The following F13A1 variants were observed in gnomAD, a reference collection of about 807,000 sequenced individuals.
F13A1 encodes the protein coagulation factor XIII A chain, also known as FSF, A subunit.
In F13A1, 47 loss-of-function variants were observed where a neutral mutation model predicts 80.1. That is an observed-to-expected ratio of 0.59 (90% confidence interval 0.46 to 0.75). The LOEUF is 0.75. F13A1 is among the 30% of genes least tolerant of loss of function. The probability of loss-of-function intolerance (pLI) is 0.00; values close to 1 mark genes in which losing one functional copy is unlikely to be tolerated. For missense variants in F13A1, 817 were observed against 930.4 expected, an observed-to-expected ratio of 0.88 and a Z score of 1.59; for synonymous variants, 349 against 344.9, an observed-to-expected ratio of 1.01 and a Z score of -0.13.
chr6:6,156,446 A>C (rs1760480190), intron 13 of F13A1, among the ~76,000 whole-genome samples: 2 of 152,238 alleles, frequency 1.3e-5, no homozygotes, highest in South Asian at 4.1e-4. Flanking sequence ...AAGTTTGAGA[A>C]AGAGTAACAA....
intron 13 of F13A1, among the ~76,000 whole-genome samples, chr6:6,153,753 G>T (rs1214449903): frequency 6.6e-6 from 1 of 152,046 alleles, no homozygotes; most frequent in Admixed American, 6.5e-5. Flanking sequence ...TTTATTTGAG[G>T]CACCCCTGTT....
rs1232381433 is a variant in F13A1 at position 6,243,527 on chromosome 6, T to C, written c.798+4785A>G. Among the ~76,000 whole-genome samples, 2 of 152,224 alleles carry C rather than the reference T, an allele frequency of 1.3e-5. No individual in the cohort carries two copies. Among genetic ancestry groups the C allele is most frequent in the Non-Finnish European group, 2.9e-5 (2 of 68,036 alleles). ...AATAATTTGCCTCATCTGGGCTCCA[T>C]TCCCTTGGGGCTCTCTTCTTTTCTA... On this transcript the variant is annotated intron_variant, in intron 6 of 14. Transcript: ENST00000264870. The surrounding 1 kb of genome is among the most constrained non-coding windows in gnomAD (Gnocchi z 4.2).
At chr6:6,150,527 A>C (rs917536852) in intron 14 of F13A1, among the ~76,000 whole-genome samples, 10 of 152,220 alleles carry the variant, frequency 6.6e-5, no homozygotes, top group Non-Finnish European at 1.5e-4. Context: ...TTTGAAAGAA[A>C]TGCGGAGAGC....
intron 6 of F13A1, among the ~76,000 whole-genome samples, chr6:6,231,231 A>G (rs1333154132): frequency 1.3e-5 from 2 of 152,214 alleles, no homozygotes; most frequent in Admixed American, 1.3e-4. Flanking sequence ...TAAAGAAAAA[A>G]CAAGCAAAAA....
intron 3 of F13A1, among the ~76,000 whole-genome samples, chr6:6,299,962 C>G (rs1223874864): frequency 6.8e-6 from 1 of 147,302 alleles, no homozygotes; most frequent in Non-Finnish European, 1.5e-5. Context: ...AGTTTTCCTT[C>G]TAACAGACAG....
intron 2 of F13A1, among the ~76,000 whole-genome samples, chr6:6,314,574 A>T (rs1758653922): frequency 6.6e-6 from 1 of 152,070 alleles, no homozygotes; most frequent in Admixed American, 6.6e-5. Context: ...AGCCCTCCTC[A>T]TCCTCTTCCC....
chr6:6,314,111 A>G (rs1354271423), intron 2 of F13A1, among the ~76,000 whole-genome samples: 1 of 151,106 alleles, frequency 6.6e-6, no homozygotes, highest in Non-Finnish European at 1.5e-5. Flanking sequence ...CCTCCCGAGT[A>G]GCTGGGATTA....
chr6:6,239,660 C>A (rs578129926), intron 6 of F13A1, among the ~76,000 whole-genome samples: 1 of 152,094 alleles, frequency 6.6e-6, no homozygotes, highest in East Asian at 1.9e-4. Flanking sequence ...GCTCATTTGG[C>A]CAAAACATAT....
At chr6:6,285,219 G>A (rs779074671) in intron 3 of F13A1, among the ~76,000 whole-genome samples, 12 of 152,146 alleles carry the variant, frequency 7.9e-5, no homozygotes, top group African/African-American at 2.2e-4. Context: ...ACTGCACTCC[G>A]GCATGGGCAC....
At chr6:6,209,543 T>A (rs1761563567) in intron 8 of F13A1, among the ~76,000 whole-genome samples, 1 of 152,120 alleles carries the variant, frequency 6.6e-6, no homozygotes, top group Admixed American at 6.6e-5. Flanking sequence ...ATAAAAACTT[T>A]TACCTGAATG....
At chr6:6,209,333 A>AC (rs926149156) in intron 8 of F13A1, among the ~76,000 whole-genome samples, 4 of 151,782 alleles carry the variant, frequency 2.6e-5, no homozygotes, top group African/African-American at 9.7e-5. Context: ...TAAAAAAAAA[A>AC]AAAAAACAGA....
Position 6,250,079 on chromosome 6 carries a change from C to T in F13A1, c.690+732G>A, listed in dbSNP as rs529983319. Among the ~76,000 whole-genome samples, 4 of 152,214 alleles carry T rather than the reference C, an allele frequency of 2.6e-5. No individual in the cohort carries two copies. Among genetic ancestry groups the T allele is most frequent in the African/African-American group, 9.6e-5 (4 of 41,522 alleles). On this transcript the variant is annotated intron_variant, in intron 5 of 14. Coordinates refer to ENST00000264870, the MANE Select transcript of F13A1 (RefSeq NM_000129.4). The surrounding 1 kb of genome is among the most constrained non-coding windows in gnomAD (Gnocchi z 4.2). ...AAAACTCCCTGCTGGATGCCCAGCG[C>T]AATGATGCACAGTTCCAGCCATCCC...
Position 6,174,348 on chromosome 6 carries a change from G to T in F13A1, c.1747+232C>A, listed in dbSNP as rs3024446. Among the ~76,000 whole-genome samples, 21,052 of 151,844 alleles carry T rather than the reference G, an allele frequency of 0.14. 1,612 individuals are homozygous for T. Among genetic ancestry groups the T allele is most frequent in the African/African-American group, 0.19 (7,825 of 41,394 alleles). ...AAGGTTGCAGTGAACCAAGATCATC[G>T]CATTGCACTCCAGCCTGGGTGTCAG... On this transcript the variant is annotated intron_variant, in intron 12 of 14. Coordinates refer to ENST00000264870, the MANE Select transcript of F13A1 (RefSeq NM_000129.4).
chr6:6,170,548 T>C (rs1229051014), intron 12 of F13A1, among the ~76,000 whole-genome samples: 1 of 152,172 alleles, frequency 6.6e-6, no homozygotes, highest in African/African-American at 2.4e-5. Flanking sequence ...GCTGCCAATA[T>C]CATTTACGGT....
At chr6:6,170,163 A>T (rs923531483) in intron 12 of F13A1, among the ~76,000 whole-genome samples, 1 of 152,242 alleles carries the variant, frequency 6.6e-6, no homozygotes, top group Non-Finnish European at 1.5e-5. Flanking sequence ...GCCTCGAAGA[A>T]GATGCCTTTT....
At chr6:6,192,543 A>G (rs1166811604) in intron 10 of F13A1, among the ~76,000 whole-genome samples, 1 of 152,234 alleles carries the variant, frequency 6.6e-6, no homozygotes, top group Non-Finnish European at 1.5e-5. Flanking sequence ...TGAATAAATG[A>G]CTGGATTATT....
chr6:6,212,097 G>A (rs1316968425), intron 8 of F13A1, among the ~76,000 whole-genome samples: 1 of 152,270 alleles, frequency 6.6e-6, no homozygotes, highest in East Asian at 1.9e-4. Flanking sequence ...CAGCAAGGCT[G>A]GCGGAGGGGC....
chr6:6,265,114 T>G (rs1757826526), intron 4 of F13A1, among the ~76,000 whole-genome samples: 1 of 152,064 alleles, frequency 6.6e-6, no homozygotes, highest in Admixed American at 6.5e-5. Context: ...TAAATAAATA[T>G]AAATATAAAA....
At chr6:6,216,372 G>A (rs933779641) in intron 8 of F13A1, among the ~76,000 whole-genome samples, 41 of 151,096 alleles carry the variant, frequency 2.7e-4, no homozygotes, top group African/African-American at 5.6e-4. Context: ...AAATAACGCC[G>A]CATATCTACA....
Sources: gnomAD v4.1 joint callset for allele counts (sites outside exome capture counted in the v4.1 genomes callset) on GRCh38, gnomAD v4.1.1 for gene constraint, Gnocchi (gnomAD v3.1) non-coding constraint, MANE v1.5 for transcripts, NCBI Gene and HGNC (gene_info 2026-07-23, HGNC 2026-07-21) for gene names.